Variants in IMMP2L observed in about 807,000 individuals in gnomAD.
The protein encoded by IMMP2L is inner mitochondrial membrane peptidase subunit 2.
Under a neutral mutation model 19.3 loss-of-function variants are expected in IMMP2L, and 18 were observed. That is an observed-to-expected ratio of 0.93 (90% confidence interval 0.64 to 1.38). The LOEUF is 1.38. IMMP2L is among the 40% of genes most tolerant of loss of function. The pLI is 0.00. For missense variants in IMMP2L, 233 were observed against 218.2 expected (o/e 1.07, Z -0.43); for synonymous variants, 76 against 73.0 (o/e 1.04, Z -0.21).
chr7:110,719,616 C>T (rs1795446244), intron 5 of IMMP2L, among the ~76,000 whole-genome samples: 1 of 152,154 alleles, frequency 6.6e-6, no homozygotes, highest in Non-Finnish European at 1.5e-5. Context: ...TATAAAATAA[C>T]AGCTTTGTGT....
rs1230444564 is a variant in IMMP2L, at chr7:111,242,715, C to G, written c.239+244523G>C. On this transcript the variant is annotated intron_variant, in intron 3 of 5. Transcript: ENST00000405709. ...ATCTCAGATGACCACTCTAAATACTCCTCCAATTCAACCAAAGCCTATGGC... is the reference window on the plus strand; with the variant it reads ...ATCTCAGATGACCACTCTAAATACTGCTCCAATTCAACCAAAGCCTATGGC... Among the ~76,000 whole-genome samples, 3 of 151,842 alleles carry G rather than the reference C, an allele frequency of 2.0e-5. No individual in the cohort carries two copies. The South Asian group carries it at 6.2e-4, about 32-fold the overall frequency.
intron 3 of IMMP2L, among the ~76,000 whole-genome samples, chr7:111,239,989 G>A (rs1814811507): frequency 6.6e-6 from 1 of 151,900 alleles, no homozygotes; most frequent in Non-Finnish European, 1.5e-5. Flanking sequence ...GGTAGAAATA[G>A]ATGCTAAAGT....
intron 3 of IMMP2L, among the ~76,000 whole-genome samples, chr7:111,332,790 T>C (rs958347462): frequency 6.6e-6 from 1 of 152,088 alleles, no homozygotes. Context: ...GTATGTTCTA[T>C]AAAATAGTAA....
chr7:111,454,907 G>A (rs530559803), intron 3 of IMMP2L, among the ~76,000 whole-genome samples: 268 of 152,104 alleles, frequency 1.8e-3, no homozygotes, highest in Non-Finnish European at 3.3e-3. Flanking sequence ...AGCATGGTCT[G>A]AATGAAATCC....
chr7:111,052,198 T>C (rs183429359), intron 3 of IMMP2L, among the ~76,000 whole-genome samples: 65 of 152,348 alleles, frequency 4.3e-4, no homozygotes, highest in African/African-American at 1.5e-3. Context: ...CCATCTCTTG[T>C]GGAGGAAATA....
chr7:111,210,902 T>C (rs1449984149), intron 3 of IMMP2L, among the ~76,000 whole-genome samples: 1 of 152,104 alleles, frequency 6.6e-6, no homozygotes, highest in African/African-American at 2.4e-5. Flanking sequence ...GCAGTGTAGA[T>C]AAGGATAAGG....
At chr7:110,794,157 G>A (rs73417270) in intron 5 of IMMP2L, among the ~76,000 whole-genome samples, 6,116 of 152,138 alleles carry the variant, frequency 0.04, 372 homozygotes, top group African/African-American at 0.13. Flanking sequence ...GGTATCTAAC[G>A]AAATGAACTG....
chr7:111,160,014 C>T (rs1805077549), intron 3 of IMMP2L, among the ~76,000 whole-genome samples: 1 of 152,030 alleles, frequency 6.6e-6, no homozygotes, highest in Admixed American at 6.6e-5. Context: ...TGGTTCTTCA[C>T]TTACTAAATC....
chr7:111,032,053 C>A (rs1035667571), intron 3 of IMMP2L, among the ~76,000 whole-genome samples: 3 of 151,690 alleles, frequency 2.0e-5, no homozygotes, highest in African/African-American at 7.3e-5. Context: ...GTCATCCCAC[C>A]TCAGCCACCC....
At chr7:111,030,298 A>G (rs1250180984) in intron 3 of IMMP2L, among the ~76,000 whole-genome samples, 2 of 152,140 alleles carry the variant, frequency 1.3e-5, no homozygotes, top group Non-Finnish European at 2.9e-5. Context: ...AGCCTATAAT[A>G]TGTGCTAAAA....
chr7:111,134,582 T>C (rs988802432), intron 3 of IMMP2L, among the ~76,000 whole-genome samples: 1 of 152,068 alleles, frequency 6.6e-6, no homozygotes, highest in African/African-American at 2.4e-5. Context: ...TCTTCTGTTA[T>C]GAAAAACATA....
intron 3 of IMMP2L, among the ~76,000 whole-genome samples, chr7:111,332,223 TC>T (rs1363778445): frequency 6.6e-6 from 1 of 150,994 alleles, no homozygotes; most frequent in African/African-American, 2.4e-5. Context: ...AATAAAACCT[TC>T]CTAGAAAAAA....
chr7:111,113,750 A>G (rs1799517096), intron 3 of IMMP2L, among the ~76,000 whole-genome samples: 4 of 152,154 alleles, frequency 2.6e-5, no homozygotes. Context: ...GCAAGGCACA[A>G]TGTAAGTCTG....
intron 5 of IMMP2L, among the ~76,000 whole-genome samples, chr7:110,746,031 G>C (rs1031193648): frequency 2.0e-5 from 3 of 151,994 alleles, no homozygotes; most frequent in African/African-American, 7.3e-5. Flanking sequence ...GACACACATA[G>C]GCTCAAAATA....
At chr7:111,309,423 T>C (rs1823258765) in intron 3 of IMMP2L, among the ~76,000 whole-genome samples, 1 of 152,142 alleles carries the variant, frequency 6.6e-6, no homozygotes, top group South Asian at 2.1e-4. Context: ...ACAGAGTGTG[T>C]GCTCAAAATA....
At chr7:111,269,851 G>GCA (rs1177954439) in intron 3 of IMMP2L, among the ~76,000 whole-genome samples, 2 of 152,066 alleles carry the variant, frequency 1.3e-5, no homozygotes, top group African/African-American at 4.8e-5. Flanking sequence ...TCCTGGAGTT[G>GCA]CACCATTTTT....
chr7:111,191,128 T>C (rs973611279), intron 3 of IMMP2L, among the ~76,000 whole-genome samples: 9 of 152,156 alleles, frequency 5.9e-5, no homozygotes, highest in African/African-American at 1.9e-4. Flanking sequence ...CAGCCTGGCT[T>C]ACAAGTCTTC....
intron 3 of IMMP2L, among the ~76,000 whole-genome samples, chr7:111,185,261 T>A (rs549211694): frequency 4.5e-4 from 68 of 152,214 alleles, no homozygotes; most frequent in Non-Finnish European, 9.3e-4. Flanking sequence ...ACTCTGTGGT[T>A]GGATTTTTCA....
chr7:110,814,546 T>G (rs567554260), intron 5 of IMMP2L, among the ~76,000 whole-genome samples: 1 of 151,248 alleles, frequency 6.6e-6, no homozygotes, highest in East Asian at 1.9e-4. Flanking sequence ...AATAAACTGT[T>G]TTGGCTGTTA....
Sources: gnomAD v4.1 joint callset for allele counts (sites outside exome capture counted in the v4.1 genomes callset) on GRCh38, gnomAD v4.1.1 for gene constraint, MANE v1.5 for transcripts, NCBI Gene and HGNC (gene_info 2026-07-23, HGNC 2026-07-21) for gene names.